The following TMCC1 variants were observed in gnomAD, a reference collection of about 807,000 sequenced individuals.
The protein encoded by TMCC1 is transmembrane and coiled-coil domains protein 1.
TMCC1 carries 15 observed loss-of-function variants against 52.4 expected under a neutral mutation model. The observed-to-expected ratio is 0.29, with a 90% CI of 0.19 to 0.44. TMCC1 has a LOEUF of 0.44. Among genes scored for constraint, TMCC1 ranks in the 20% least tolerant of loss-of-function variants. The pLI is 1.00. For missense variants in TMCC1, 503 were observed against 806.0 expected, an observed-to-expected ratio of 0.62 and a Z score of 4.55; for synonymous variants, 279 against 301.9, an observed-to-expected ratio of 0.92 and a Z score of 0.79.
At chr3:129,879,508 T>C (rs1386479422) in intron 2 of TMCC1, among the ~76,000 whole-genome samples, 1 of 152,136 alleles carries the variant, frequency 6.6e-6, no homozygotes, top group African/African-American at 2.4e-5. Context: ...CCTATAACTG[T>C]CTACAACGCA....
At chr3:129,799,744 G>A (rs1450981278) in intron 4 of TMCC1, among the ~76,000 whole-genome samples, 5 of 152,066 alleles carry the variant, frequency 3.3e-5, no homozygotes, top group Non-Finnish European at 5.9e-5. Context: ...CCCGGGAGGC[G>A]GAGCTTGCAG....
At chr3:129,759,487 C>T (rs577556515) in intron 4 of TMCC1, among the ~76,000 whole-genome samples, 2 of 151,630 alleles carry the variant, frequency 1.3e-5, no homozygotes, top group South Asian at 4.2e-4. Flanking sequence ...AGGCTGGTCT[C>T]GAACTCCTTA....
At chr3:129,852,327 T>C (rs1248661385) in intron 2 of TMCC1, among the ~76,000 whole-genome samples, 2 of 151,806 alleles carry the variant, frequency 1.3e-5, no homozygotes, top group African/African-American at 2.4e-5. Flanking sequence ...TGTGGTGGCA[T>C]GTGCCTGTAA....
chr3:129,884,176 A>T (rs140649742), intron 1 of TMCC1, among the ~76,000 whole-genome samples: 179 of 152,350 alleles, frequency 1.2e-3, no homozygotes, highest in African/African-American at 3.7e-3. Context: ...AAGGAAAATC[A>T]TACCACACAG....
chr3:129,682,652 C>T (rs886268958), intron 4 of TMCC1, among the ~76,000 whole-genome samples: 6 of 152,126 alleles, frequency 3.9e-5, no homozygotes, highest in Admixed American at 1.3e-4. Flanking sequence ...TGCCTAATGG[C>T]TATTTCTACA....
chr3:129,727,926 A>G (rs2050235108), intron 4 of TMCC1, among the ~76,000 whole-genome samples: 1 of 152,336 alleles, frequency 6.6e-6, no homozygotes, highest in East Asian at 1.9e-4. Context: ...AAAAAAGCCC[A>G]ACTAGTGTAA....
chr3:129,654,667 T>C lies in TMCC1; in HGVS notation c.1647+301A>G, dbSNP rs933893070. On this transcript the variant is annotated intron_variant, in intron 6 of 6. Transcript: ENST00000393238. ...GAAGACAAGGACAAAATGGCCCAAA[T>C]ACTTGTCAGAGCTGCTTTTGAAGCA... Among the ~76,000 whole-genome samples, 3 of 152,160 alleles carry C rather than the reference T, an allele frequency of 2.0e-5. No homozygotes were observed. In the South Asian group the frequency reaches 6.2e-4, roughly 32 times the overall value.
chr3:129,684,817 T>C (rs186680303), intron 4 of TMCC1, among the ~76,000 whole-genome samples: 24 of 152,282 alleles, frequency 1.6e-4, no homozygotes, highest in Admixed American at 5.9e-4. Context: ...TAGGAGCAGA[T>C]AGATGGGGAA....
intron 4 of TMCC1, among the ~76,000 whole-genome samples, chr3:129,785,320 C>T (rs1560414476): frequency 6.6e-6 from 1 of 152,056 alleles, no homozygotes; most frequent in African/African-American, 2.4e-5. Flanking sequence ...TACCATGTTC[C>T]AAGTTTTCTC....
At chr3:129,769,260 C>T (rs968686702) in intron 4 of TMCC1, among the ~76,000 whole-genome samples, 6 of 152,192 alleles carry the variant, frequency 3.9e-5, no homozygotes, top group Non-Finnish European at 7.3e-5. Flanking sequence ...GACGGAGTCT[C>T]GCTCTGTCAC....
chr3:129,872,890 T>C (rs1414661381), intron 2 of TMCC1, among the ~76,000 whole-genome samples: 1 of 152,010 alleles, frequency 6.6e-6, no homozygotes, highest in African/African-American at 2.4e-5. Flanking sequence ...TGTATCCTAA[T>C]GATATATATT....
At chr3:129,762,956 T>C (rs1193583796) in intron 4 of TMCC1, among the ~76,000 whole-genome samples, 1 of 151,924 alleles carries the variant, frequency 6.6e-6, no homozygotes, top group Non-Finnish European at 1.5e-5. Flanking sequence ...CCCAGCACTT[T>C]GGGAGGCTGA....
intron 4 of TMCC1, among the ~76,000 whole-genome samples, chr3:129,776,826 G>T (rs2055076538): frequency 6.6e-6 from 1 of 152,004 alleles, no homozygotes; most frequent in Non-Finnish European, 1.5e-5. Flanking sequence ...GTAGAGATGG[G>T]TTCTCACTAT....
chr3:129,868,564 A>G (rs914923788), intron 2 of TMCC1, among the ~76,000 whole-genome samples: 2 of 152,112 alleles, frequency 1.3e-5, no homozygotes, highest in African/African-American at 2.4e-5. Context: ...TTAGTCTCCC[A>G]AGGAGCTGGG....
intron 4 of TMCC1, among the ~76,000 whole-genome samples, chr3:129,778,789 T>G (rs768577112): frequency 3.9e-5 from 6 of 152,164 alleles, no homozygotes; most frequent in Non-Finnish European, 5.9e-5. Flanking sequence ...CCTGCCATCA[T>G]GTGAAGAAGG....
chr3:129,743,458 T>C (rs1412230018), intron 4 of TMCC1, among the ~76,000 whole-genome samples: 1 of 152,192 alleles, frequency 6.6e-6, no homozygotes, highest in Non-Finnish European at 1.5e-5. Flanking sequence ...GTATCGCCTA[T>C]GGTAAATCTG....
At chr3:129,820,185 G>C (rs2058349099) in intron 4 of TMCC1, among the ~76,000 whole-genome samples, 1 of 150,198 alleles carries the variant, frequency 6.7e-6, no homozygotes. Flanking sequence ...AAAAAGACTT[G>C]GTTCTGACAT....
At chr3:129,856,260 G>C (rs1345335580) in intron 2 of TMCC1, among the ~76,000 whole-genome samples, 1 of 152,192 alleles carries the variant, frequency 6.6e-6, no homozygotes, top group Non-Finnish European at 1.5e-5. Context: ...TTCTGAACCT[G>C]AATGGATCGT....
At chr3:129,806,188 C>A (rs918728488) in intron 4 of TMCC1, among the ~76,000 whole-genome samples, 3 of 152,062 alleles carry the variant, frequency 2.0e-5, no homozygotes, top group Admixed American at 6.6e-5. Context: ...ATGGATTAAA[C>A]GCGGAGGGTT....
Sources: gnomAD v4.1 joint callset for allele counts (sites outside exome capture counted in the v4.1 genomes callset) on GRCh38, gnomAD v4.1.1 for gene constraint, MANE v1.5 for transcripts, NCBI Gene and HGNC (gene_info 2026-07-23, HGNC 2026-07-21) for gene names.